The following NRXN3 variants were observed in gnomAD, a reference collection of about 807,000 sequenced individuals.
NRXN3 encodes neurexin III.
In NRXN3, 32 loss-of-function variants were observed where a neutral mutation model predicts 137.6. That is an observed-to-expected ratio of 0.23 (90% CI 0.18 to 0.31). The LOEUF is 0.31. Ranked by LOEUF, NRXN3 falls within the 10% of genes least tolerant of loss-of-function variation. The probability of loss-of-function intolerance (pLI) is 1.00; values close to 1 mark genes in which losing one functional copy is unlikely to be tolerated. For missense variants in NRXN3, 1,574 were observed against 2,062.5 expected, an observed-to-expected ratio of 0.76 and a Z score of 4.59; for synonymous variants, 798 against 784.5, an observed-to-expected ratio of 1.02 and a Z score of -0.29.
chr14:79,770,622 G>T lies in NRXN3; in HGVS notation c.4015-34490G>T, dbSNP rs1008579433. ...CTAGAATCTCTGGGACACATTCAAA[G>T]CAGTGTGTAGAGGGAAATTTATAGC... is the stretch of plus-strand genomic sequence containing the variant. On this transcript the variant is annotated intron_variant, in intron 19 of 20. Transcript: ENST00000335750. Among the ~76,000 whole-genome samples the T allele has an allele frequency of 7.3e-5, 11 of 150,008 alleles. 1 individual carries two copies. The highest frequency in any genetic ancestry group is 2.7e-4 in the Admixed American group (4 of 15,012).
intron 19 of NRXN3, among the ~76,000 whole-genome samples, chr14:79,774,509 A>G (rs1281950702): frequency 6.6e-6 from 1 of 152,170 alleles, no homozygotes; most frequent in Non-Finnish European, 1.5e-5. Flanking sequence ...TAAAAGAGGG[A>G]AGAACAATGA....
chr14:79,634,270 C>T (rs538759290), intron 16 of NRXN3, among the ~76,000 whole-genome samples: 3 of 151,888 alleles, frequency 2.0e-5, no homozygotes, highest in African/African-American at 4.8e-5. Flanking sequence ...TATATAATGT[C>T]GAGAGACGGG....
chr14:78,851,793 CAAG>C (rs1273243310), intron 10 of NRXN3, among the ~76,000 whole-genome samples: 7 of 152,118 alleles, frequency 4.6e-5, no homozygotes, highest in African/African-American at 1.4e-4. Flanking sequence ...TTTGTGTCAA[CAAG>C]AAGGTCAGAG....
chr14:78,906,280 A>G (rs1355882010), intron 10 of NRXN3, among the ~76,000 whole-genome samples: 1 of 151,978 alleles, frequency 6.6e-6, no homozygotes, highest in Non-Finnish European at 1.5e-5. Context: ...ATTTTCCAGA[A>G]TTTTTCTTTA....
chr14:78,431,616 T>C (rs1227778290), intron 4 of NRXN3, among the ~76,000 whole-genome samples: 2 of 152,076 alleles, frequency 1.3e-5, no homozygotes, highest in African/African-American at 2.4e-5. Context: ...TTGGGGAGTA[T>C]ATCTTTGGTC....
chr14:78,179,576 G>A (rs1309391800), intron 1 of NRXN3, among the ~76,000 whole-genome samples: 1 of 152,130 alleles, frequency 6.6e-6, no homozygotes, highest in African/African-American at 2.4e-5. Flanking sequence ...AGGGTCGGAA[G>A]GGAACTAGGG....
chr14:79,008,037 T>C (rs1031763236), intron 15 of NRXN3, among the ~76,000 whole-genome samples: 1 of 152,072 alleles, frequency 6.6e-6, no homozygotes, highest in African/African-American at 2.4e-5. Flanking sequence ...GACTTTGTTT[T>C]CCCATGTGGG....
At chr14:78,439,373 A>G (rs2094170621) in intron 4 of NRXN3, among the ~76,000 whole-genome samples, 1 of 152,222 alleles carries the variant, frequency 6.6e-6, no homozygotes, top group Non-Finnish European at 1.5e-5. Flanking sequence ...AAGAACAAGG[A>G]TAAACGTGGT....
At chr14:78,637,633 T>C (rs1400149223) in intron 4 of NRXN3, among the ~76,000 whole-genome samples, 1 of 152,174 alleles carries the variant, frequency 6.6e-6, no homozygotes, top group Non-Finnish European at 1.5e-5. Flanking sequence ...TTCCATAGAT[T>C]TAGATAAGTT....
chr14:78,780,323 T>G (rs1277557361), intron 8 of NRXN3, among the ~76,000 whole-genome samples: 2 of 152,126 alleles, frequency 1.3e-5, no homozygotes, highest in African/African-American at 2.4e-5. Flanking sequence ...ATATAAAAAT[T>G]TAAATGTAAA....
chr14:79,106,658 G>C (rs1419638009), intron 15 of NRXN3, among the ~76,000 whole-genome samples: 5 of 152,000 alleles, frequency 3.3e-5, no homozygotes, highest in Admixed American at 1.3e-4. Flanking sequence ...ATTTTAAAAA[G>C]TATCTTTCTA....
intron 4 of NRXN3, among the ~76,000 whole-genome samples, chr14:78,422,385 T>A (rs559152821): frequency 2.6e-4 from 39 of 152,312 alleles, no homozygotes; most frequent in Admixed American, 1.5e-3. Context: ...TGAACATCCC[T>A]CCATTACTGG....
chr14:79,486,676 T>C (rs75208221), intron 16 of NRXN3, among the ~76,000 whole-genome samples: 2,547 of 152,288 alleles, frequency 0.017, 29 homozygotes, highest in Middle Eastern at 0.024. Context: ...AGTTGGATGA[T>C]GAGAAAGCTG....
chr14:78,561,364 T>C (rs1210351468), intron 4 of NRXN3, among the ~76,000 whole-genome samples: 2 of 152,196 alleles, frequency 1.3e-5, no homozygotes, highest in Non-Finnish European at 2.9e-5. Flanking sequence ...TATACCACAG[T>C]TTCATTGGGC....
Position 78,184,333 on chromosome 14 carries a change from G to A in NRXN3, c.-704+13659G>A, listed in dbSNP as rs993579886. The stretch of plus-strand genomic sequence containing the variant: ...GATTTTTCACATAAAGATGCATCAC[G>A]AACACTTTTCCACAACAGCCACTCA... On this transcript the variant is annotated intron_variant, in intron 1 of 20. Transcript: ENST00000335750. 6.6e-5 allele frequency among the ~76,000 whole-genome samples: 10 copies of A among 152,172 alleles called. No homozygotes were observed. In the East Asian group the frequency reaches 9.6e-4, roughly 15 times the overall value.
intron 15 of NRXN3, among the ~76,000 whole-genome samples, chr14:79,002,993 G>C (rs973728897): frequency 5.9e-5 from 9 of 151,916 alleles, no homozygotes; most frequent in Admixed American, 5.2e-4. Context: ...TTAGAATTGG[G>C]GTCTTGCTCT....
chr14:78,783,142 C>A (rs965853886), intron 8 of NRXN3, among the ~76,000 whole-genome samples: 5 of 152,240 alleles, frequency 3.3e-5, no homozygotes, highest in Admixed American at 2.6e-4. Flanking sequence ...AGTAGAGAGA[C>A]CTGGAACTTG....
intron 1 of NRXN3, among the ~76,000 whole-genome samples, chr14:78,189,347 A>G (rs2060508226): frequency 6.6e-6 from 1 of 152,070 alleles, no homozygotes; most frequent in African/African-American, 2.4e-5. Flanking sequence ...AGATCATGTT[A>G]TTCTGCTCAA....
chr14:79,058,948 G>A (rs2099669965), intron 15 of NRXN3, among the ~76,000 whole-genome samples: 1 of 152,116 alleles, frequency 6.6e-6, no homozygotes, highest in African/African-American at 2.4e-5. Flanking sequence ...CCAGCCATGT[G>A]GATCTGTGAG....
Sources: allele counts gnomAD v4.1 joint callset (sites outside exome capture counted in the v4.1 genomes callset), GRCh38; gene constraint gnomAD v4.1.1; transcripts MANE v1.5; gene names NCBI Gene and HGNC (gene_info 2026-07-23, HGNC 2026-07-21).